Variants in BCL9 observed in about 807,000 individuals in gnomAD.
BCL9 encodes B-cell CLL/lymphoma 9 protein.
A neutral mutation model predicts 88.5 loss-of-function variants in BCL9; 25 were observed. The ratio of observed to expected loss-of-function variants is 0.28; its 90% CI spans 0.21 to 0.39. BCL9 has a LOEUF of 0.39. Ranked by LOEUF, BCL9 falls within the 10% of genes least tolerant of loss-of-function variation. The probability of loss-of-function intolerance (pLI) is 1.00; values close to 1 mark genes in which losing one functional copy is unlikely to be tolerated. For missense variants in BCL9, 1,817 were observed against 1,877.8 expected, an observed-to-expected ratio of 0.97 and a Z score of 0.60; for synonymous variants, 711 against 673.3, an observed-to-expected ratio of 1.06 and a Z score of -0.87.
At position 147,622,216 on chromosome 1, in the gene BCL9, C is replaced by T. The variant is rs1658682774; in HGVS notation, c.2903-55C>T. 13 of 1,606,338 alleles carry T rather than the reference C, an allele frequency of 8.1e-6. No individual in the cohort carries two copies. In the East Asian group the frequency reaches 2.9e-4, roughly 36 times the overall value. ...AGTTCATAATCATAGGGCCCAATAC[C>T]CTTCAAAAGGAATCTAATTCCCTGC... On this transcript the variant is annotated intron_variant, in intron 8 of 9. Transcript: ENST00000234739.
At chr1:147,581,834 AG>A (rs1464873095) in intron 1 of BCL9, among the ~76,000 whole-genome samples, 1 of 152,086 alleles carries the variant, frequency 6.6e-6, no homozygotes, top group African/African-American at 2.4e-5. Context: ...TTTTACATCT[AG>A]GTTGCATTTT....
At chr1:147,564,977 C>T (rs1176473509) in intron 1 of BCL9, among the ~76,000 whole-genome samples, 3 of 152,014 alleles carry the variant, frequency 2.0e-5, no homozygotes, top group Non-Finnish European at 4.4e-5. Context: ...TTCGAGTACT[C>T]AATAGCTACA....
At chr1:147,614,385 G>A in intron 5 of BCL9, 42 bp from the exon 6 acceptor site, 1 of 1,594,560 alleles carries the variant, frequency 6.3e-7, no homozygotes, top group East Asian at 2.2e-5. Flanking sequence ...CAGAAGAAAG[G>A]AAATTTTATT....
At chr1:147,605,202 A>G (rs1006621995) in intron 2 of BCL9, among the ~76,000 whole-genome samples, 1 of 152,212 alleles carries the variant, frequency 6.6e-6, no homozygotes, top group Non-Finnish European at 1.5e-5. Flanking sequence ...TGTGAATGCA[A>G]GGTAAAGGTA....
intron 1 of BCL9, among the ~76,000 whole-genome samples, chr1:147,596,913 C>T (rs1312679960): frequency 6.6e-6 from 1 of 152,146 alleles, no homozygotes; most frequent in Admixed American, 6.5e-5. Flanking sequence ...TTGACCAAGG[C>T]AAGAATTTGT....
rs782351440 is a variant in BCL9 at position 147,618,982 on chromosome 1, G to A, written c.827G>A (p.Arg276Gln). Reference protein sequence around the residue: ...KPAAPPRPLDRESPGVENKLI... With the variant: ...KPAAPPRPLDQESPGVENKLI... ...GCCGCACCCCCACGTCCCCTGGACC[G>A]GGAGAGTCCTGGGGTAGAAAACAAA... The change falls in exon 8 of 10, where the codon CGG (arginine) becomes CAG (glutamine). Residue 276 changes from arginine to glutamine, a missense_variant. Transcript: ENST00000234739. The A allele has an allele frequency of 1.9e-5, 30 of 1,612,760 alleles. No homozygotes were observed. Among genetic ancestry groups the A allele is most frequent in the Admixed American group, 3.3e-5 (2 of 59,862 alleles).
chr1:147,615,314 T>G (rs587655478), intron 6 of BCL9, among the ~76,000 whole-genome samples: 1 of 152,310 alleles, frequency 6.6e-6, no homozygotes, highest in South Asian at 2.1e-4. Flanking sequence ...CTGTAAACAT[T>G]TTTATATATA....
chr1:147,556,275 C>T (rs1553195434), intron 1 of BCL9, among the ~76,000 whole-genome samples: 1 of 96,710 alleles, frequency 1.0e-5, no homozygotes, highest in Non-Finnish European at 2.0e-5. Context: ...CCCGCCACCA[C>T]TCCTGACTAT....
Position 147,549,626 on chromosome 1 carries a change from G to T in BCL9, c.-478+7952G>T, listed in dbSNP as rs907630667. 2.0e-5 allele frequency among the ~76,000 whole-genome samples: 3 copies of T among 152,162 alleles called. No individual in the cohort carries two copies. The East Asian group carries it at 5.8e-4, about 29-fold the overall frequency. ...ATTTAACTTTCATTTTCTAAAAAAG[G>T]TTTTAAGTGCTAAACCCTCTAGAAA... On this transcript the variant is annotated intron_variant, in intron 1 of 9. Transcript: ENST00000234739.
At chr1:147,569,233 C>G (rs587718953) in intron 1 of BCL9, among the ~76,000 whole-genome samples, 2 of 151,630 alleles carry the variant, frequency 1.3e-5, no homozygotes, top group African/African-American at 2.4e-5. Flanking sequence ...GAACTAAAAG[C>G]CTTTTTAATA....
At chr1:147,554,237 T>C (rs886775780) in intron 1 of BCL9, among the ~76,000 whole-genome samples, 5 of 152,282 alleles carry the variant, frequency 3.3e-5, no homozygotes, top group African/African-American at 7.2e-5. Flanking sequence ...GAAATCAGCA[T>C]TGGGTCCTTT....
intron 1 of BCL9, among the ~76,000 whole-genome samples, chr1:147,557,304 C>T (rs1655157689): frequency 6.6e-6 from 1 of 152,134 alleles, no homozygotes; most frequent in African/African-American, 2.4e-5. Context: ...ACCATAATAT[C>T]TGAGCACAAA....
chr1:147,595,563 A>G (rs1296837082), intron 1 of BCL9, among the ~76,000 whole-genome samples: 1 of 152,198 alleles, frequency 6.6e-6, no homozygotes, highest in Non-Finnish European at 1.5e-5. Context: ...ATGAATAAGA[A>G]ATGAGTCTGG....
chr1:147,599,637 G>C lies in BCL9; in HGVS notation c.-477-5140G>C, dbSNP rs1657245533. Among the ~76,000 whole-genome samples the C allele has an allele frequency of 2.0e-5, 3 of 152,294 alleles. No homozygotes were observed. In the East Asian group the frequency reaches 5.8e-4, roughly 30 times the overall value. On this transcript the variant is annotated intron_variant, in intron 1 of 9. Transcript: ENST00000234739. ...GGCCCCTCAGGAGGCTCTGGAGTTG[G>C]GGACTAGAGCTCTGCCGCTTTAAGG... is the stretch of plus-strand genomic sequence containing the variant.
intron 1 of BCL9, among the ~76,000 whole-genome samples, chr1:147,548,441 A>G (rs1553194481): frequency 6.6e-6 from 1 of 152,128 alleles, no homozygotes; most frequent in African/African-American, 2.4e-5. Flanking sequence ...TGCTCCTTTC[A>G]AGATTTATCC....
rs79801005 is a variant in BCL9 at position 147,567,474 on chromosome 1, T to C, written c.-478+25800T>C. 7.6e-3 allele frequency among the ~76,000 whole-genome samples: 1,159 copies of C among 152,302 alleles called. 17 individuals carry two copies. Among genetic ancestry groups the C allele is most frequent in the African/African-American group, 0.026 (1,097 of 41,552 alleles). ...TCGACATTTCCACACATACTTGGTA[T>C]ATGCCTAAAGGAAATTTGGGAGGGA... On this transcript the variant is annotated intron_variant, in intron 1 of 9. Transcript: ENST00000234739.
At chr1:147,603,563 A>G (rs1350866790) in intron 1 of BCL9, among the ~76,000 whole-genome samples, 3 of 152,058 alleles carry the variant, frequency 2.0e-5, no homozygotes, top group African/African-American at 7.3e-5. Flanking sequence ...GTGCAGTGGC[A>G]CAATCTCAGC....
chr1:147,562,116 G>C (rs772648995), intron 1 of BCL9, among the ~76,000 whole-genome samples: 2 of 152,074 alleles, frequency 1.3e-5, no homozygotes, highest in African/African-American at 4.8e-5. Flanking sequence ...ATCACCTGAG[G>C]TCGGGAGTTC....
At chr1:147,596,413 T>TCA (rs1657052670) in intron 1 of BCL9, among the ~76,000 whole-genome samples, 1 of 13,120 alleles carries the variant, frequency 7.6e-5, no homozygotes, top group South Asian at 6.0e-3. Flanking sequence ...TTTTTTTTCT[T>TCA]TTCTTTTTTT....
Sources: gnomAD v4.1 joint callset for allele counts (sites outside exome capture counted in the v4.1 genomes callset) on GRCh38, gnomAD v4.1.1 for gene constraint, MANE v1.5 for transcripts, NCBI Gene and HGNC (gene_info 2026-07-23, HGNC 2026-07-21) for gene names.